The following NDST3 variants were observed in gnomAD, a reference collection of about 807,000 sequenced individuals.
NDST3 encodes the protein N-deacetylase and N-sulfotransferase 3, also known as bifunctional heparan sulfate N-deacetylase/N-sulfotransferase 3.
A neutral mutation model predicts 96.1 loss-of-function variants in NDST3; 58 were observed. The observed-to-expected ratio is 0.60, with a 90% CI of 0.49 to 0.75. NDST3 has a LOEUF of 0.75. Among genes scored for constraint, NDST3 ranks in the 30% least tolerant of loss-of-function variants. The pLI, the probability that NDST3 is intolerant of heterozygous loss-of-function variation, is 0.00. For missense variants in NDST3, 788 were observed against 1,034.2 expected (o/e 0.76, Z 3.27); for synonymous variants, 333 against 359.7 (o/e 0.93, Z 0.84).
intron 6 of NDST3, among the ~76,000 whole-genome samples, chr4:118,216,417 A>G (rs1408503425): frequency 2.0e-5 from 3 of 152,170 alleles, no homozygotes; most frequent in African/African-American, 4.8e-5. Context: ...AGCAATTACT[A>G]TGTGGCAGGC....
intron 7 of NDST3, among the ~76,000 whole-genome samples, 186 bp downstream of exon 7, chr4:118,224,859 T>C (rs1174128290): frequency 6.6e-6 from 1 of 152,188 alleles, no homozygotes; most frequent in Non-Finnish European, 1.5e-5. Flanking sequence ...CCCAATTCCC[T>C]GTTCCCTTGC....
intron 2 of NDST3, among the ~76,000 whole-genome samples, chr4:118,100,585 T>C (rs765519599): frequency 1.1e-4 from 16 of 152,092 alleles, no homozygotes; most frequent in Non-Finnish European, 1.9e-4. Flanking sequence ...CAGTTAAATA[T>C]TGAAAGTGGA....
chr4:118,230,230 T>C (rs1000782035), intron 8 of NDST3, among the ~76,000 whole-genome samples: 1 of 152,208 alleles, frequency 6.6e-6, no homozygotes. Flanking sequence ...AAGTCAGTGA[T>C]TCTCAAGGGT....
chr4:118,121,639 C>T (rs1180078166), intron 4 of NDST3, among the ~76,000 whole-genome samples: 1 of 152,086 alleles, frequency 6.6e-6, no homozygotes, highest in Non-Finnish European at 1.5e-5. Context: ...AAAAGTATTT[C>T]TGACATAGAT....
chr4:118,049,793 T>G (rs1271204788), intron 1 of NDST3, among the ~76,000 whole-genome samples: 1 of 151,514 alleles, frequency 6.6e-6, no homozygotes, highest in Non-Finnish European at 1.5e-5. Context: ...ACAGCCGAAT[T>G]GTACCAGACA....
chr4:118,044,984 A>G (rs915261387), intron 1 of NDST3, among the ~76,000 whole-genome samples: 1 of 152,130 alleles, frequency 6.6e-6, no homozygotes, highest in Non-Finnish European at 1.5e-5. Flanking sequence ...TTGGGAATTA[A>G]ATTTCCAGCA....
chr4:118,149,009 G>T (rs1459956617), intron 6 of NDST3, among the ~76,000 whole-genome samples: 1 of 151,952 alleles, frequency 6.6e-6, no homozygotes, highest in Non-Finnish European at 1.5e-5. Context: ...TATTAAATAG[G>T]GAATCCTTTC....
intron 2 of NDST3, among the ~76,000 whole-genome samples, chr4:118,080,751 T>C (rs1727945049): frequency 6.6e-6 from 1 of 152,152 alleles, no homozygotes; most frequent in Admixed American, 6.6e-5. Context: ...GCTGGAATAA[T>C]TATTTAAAGA....
intron 6 of NDST3, among the ~76,000 whole-genome samples, chr4:118,202,725 T>C (rs1478646645): frequency 1.3e-5 from 2 of 152,242 alleles, no homozygotes; most frequent in African/African-American, 2.4e-5. Flanking sequence ...GCAAAGTCTT[T>C]AGGATTTTCT....
intron 6 of NDST3, among the ~76,000 whole-genome samples, chr4:118,217,623 G>A (rs1330437961): frequency 6.6e-6 from 1 of 151,906 alleles, no homozygotes; most frequent in Non-Finnish European, 1.5e-5. Flanking sequence ...AGTGTTTCTG[G>A]TCTGGGGATC....
chr4:118,247,551 TA>T (rs567798197), intron 12 of NDST3, among the ~76,000 whole-genome samples: 1 of 149,108 alleles, frequency 6.7e-6, no homozygotes, highest in Admixed American at 6.7e-5. Context: ...AAACTCTGTC[TA>T]AAAAAAAAGA....
At chr4:118,163,814 T>C (rs768240023) in intron 6 of NDST3, among the ~76,000 whole-genome samples, 26 of 151,766 alleles carry the variant, frequency 1.7e-4, no homozygotes, top group Non-Finnish European at 2.5e-4. Flanking sequence ...TACATACCAG[T>C]CAGAATGGCT....
chr4:118,170,607 C>G (rs10023858), intron 6 of NDST3, among the ~76,000 whole-genome samples: 1 of 152,004 alleles, frequency 6.6e-6, no homozygotes, highest in Non-Finnish European at 1.5e-5. Context: ...TGCACACCTG[C>G]AGTCCCAGCT....
chr4:118,223,856 TA>T (rs1333435233), intron 6 of NDST3, among the ~76,000 whole-genome samples: 1 of 152,138 alleles, frequency 6.6e-6, no homozygotes, highest in Non-Finnish European at 1.5e-5. Context: ...TCTTTGCCAT[TA>T]AAAATCTCAT....
chr4:118,162,528 G>A (rs1248071453), intron 6 of NDST3, among the ~76,000 whole-genome samples: 1 of 151,652 alleles, frequency 6.6e-6, no homozygotes, highest in Non-Finnish European at 1.5e-5. Flanking sequence ...AAATGGTGCT[G>A]GGAAAACTGG....
At chr4:118,146,038 T>C (rs1733918507) in intron 6 of NDST3, among the ~76,000 whole-genome samples, 1 of 152,226 alleles carries the variant, frequency 6.6e-6, no homozygotes, top group Non-Finnish European at 1.5e-5. Flanking sequence ...TAGTGGCATG[T>C]TTCCCATGAA....
chr4:118,156,134 C>T (rs1416541196), intron 6 of NDST3, among the ~76,000 whole-genome samples: 1 of 151,644 alleles, frequency 6.6e-6, no homozygotes, highest in Non-Finnish European at 1.5e-5. Flanking sequence ...TCCTTTTTTT[C>T]AATAATTTCT....
intron 2 of NDST3, among the ~76,000 whole-genome samples, chr4:118,100,308 C>G (rs1729661615): frequency 6.6e-6 from 1 of 151,938 alleles, no homozygotes; most frequent in Non-Finnish European, 1.5e-5. Context: ...TTTCAAACTG[C>G]CACTTATACC....
intron 6 of NDST3, among the ~76,000 whole-genome samples, chr4:118,199,767 G>T (rs955263230): frequency 1.3e-5 from 2 of 152,140 alleles, no homozygotes; most frequent in Non-Finnish European, 2.9e-5. Context: ...CTGCTTTAGA[G>T]AGGACCCCCA....
Sources: gnomAD v4.1 joint callset for allele counts (sites outside exome capture counted in the v4.1 genomes callset) on GRCh38, gnomAD v4.1.1 for gene constraint, MANE v1.5 for transcripts, NCBI Gene and HGNC (gene_info 2026-07-23, HGNC 2026-07-21) for gene names.